BCAS3: variants seen among roughly 807,000 people sequenced by gnomAD.
BCAS3 encodes the protein BCAS4/BCAS3 fusion.
In BCAS3, 53 loss-of-function variants were observed where a neutral mutation model predicts 116.1. The observed-to-expected ratio is 0.46, with a 90% CI of 0.37 to 0.57. The LOEUF (loss-of-function observed/expected upper bound fraction) is 0.57. Among genes scored for constraint, BCAS3 ranks in the 20% least tolerant of loss-of-function variants. The pLI, the probability that BCAS3 is intolerant of heterozygous loss-of-function variation, is 0.00. For missense variants in BCAS3, 917 were observed against 1,165.4 expected (o/e 0.79, Z 3.10); for synonymous variants, 391 against 408.2 (o/e 0.96, Z 0.51).
rs896376563 is a variant in BCAS3, at chr17:61,180,166, T to C, written c.2425+95602T>C. Reference sequence around the variant, plus strand: ...GCCAAACATCATTAAGTCATTAGTGTAAGGGACTTGTTATGAAGGACCGAT... The same window carrying C: ...GCCAAACATCATTAAGTCATTAGTGCAAGGGACTTGTTATGAAGGACCGAT... On this transcript the variant is annotated intron_variant, in intron 22 of 23. Transcript: ENST00000407086. The surrounding 1 kb of genome is among the most constrained non-coding windows in gnomAD (Gnocchi z 6.0). 6.6e-6 allele frequency among the ~76,000 whole-genome samples: 1 copy of C among 152,174 alleles called. No individual in the cohort carries two copies. The highest frequency in any genetic ancestry group is 1.5e-5 in the Non-Finnish European group (1 of 68,032).
intron 22 of BCAS3, among the ~76,000 whole-genome samples, chr17:61,182,362 T>G (rs2079530759): frequency 6.6e-6 from 1 of 152,016 alleles, no homozygotes. Flanking sequence ...TTTGAAAAAT[T>G]TTAAACATAG....
intron 22 of BCAS3, among the ~76,000 whole-genome samples, chr17:61,154,894 T>A (rs2077744058): frequency 6.6e-6 from 1 of 152,038 alleles, no homozygotes; most frequent in Non-Finnish European, 1.5e-5. Context: ...TGTTGAAGTA[T>A]CCTTTTGATC....
At chr17:61,230,142 T>TACACACACACACACAC (rs58423435) in intron 22 of BCAS3, among the ~76,000 whole-genome samples, 1 of 149,942 alleles carries the variant, frequency 6.7e-6, no homozygotes, top group African/African-American at 2.5e-5. Context: ...AGTGTGTGTA[T>TACACACACACACACAC]ACACACACAC....
In BCAS3 at chr17:61,213,505, A is replaced by G. The variant is rs1229105496; in HGVS notation, c.2425+128941A>G. Among the ~76,000 whole-genome samples, 10 of 152,052 alleles carry G rather than the reference A, an allele frequency of 6.6e-5. No homozygotes were observed. The highest frequency in any genetic ancestry group is 1.3e-4 in the Non-Finnish European group (9 of 68,010). ...TTTATATGAAAAAAGTAAGGCATGA[A>G]AAGAGTCTTATTATTTGTTTAGTTG... On this transcript the variant is annotated intron_variant, in intron 22 of 23. Coordinates refer to ENST00000407086, the MANE Select transcript of BCAS3 (RefSeq NM_017679.5). This position sits in a 1 kb window ranked among gnomAD's most constrained non-coding sequence, Gnocchi z 5.4.
At chr17:60,750,620 T>C (rs1477186549) in intron 6 of BCAS3, among the ~76,000 whole-genome samples, 4 of 152,236 alleles carry the variant, frequency 2.6e-5, no homozygotes, top group Non-Finnish European at 5.9e-5. Context: ...GCAGTGCTGC[T>C]GCATAGAAGG....
At position 61,377,350 on chromosome 17, in the gene BCAS3, G is replaced by T. The variant is rs2059385268; in HGVS notation, c.2593+8856G>T. On this transcript the variant is annotated intron_variant, in intron 23 of 23. Transcript: ENST00000407086. This position sits in a 1 kb window ranked among gnomAD's most constrained non-coding sequence, Gnocchi z 4.6. ...GTGGGACAGCCGGTGGCCTCGGCAG[G>T]GGTGGTGTTGTTGGTGTTGCTATTT... Among the ~76,000 whole-genome samples the T allele has an allele frequency of 6.6e-6, 1 of 152,202 alleles. No homozygotes were observed. The highest frequency in any genetic ancestry group is 1.5e-5 in the Non-Finnish European group (1 of 68,042).
rs551020376 is a variant in BCAS3 at position 61,299,367 on chromosome 17, T to C, written c.2426-68960T>C. Among the ~76,000 whole-genome samples, 36 of 134,840 alleles carry C rather than the reference T, an allele frequency of 2.7e-4. 1 individual carries two copies. The highest frequency in any genetic ancestry group is 4.7e-4 in the Non-Finnish European group (31 of 65,964). The allele number at this position is 134,840 out of a possible 152,430, so 88.5% of individuals were successfully genotyped here. ...CTGGGGCAGGAGAATGGCGTGAACC[T>C]GGGAGGCGGAGCTTGCAGTGAGCTG... On this transcript the variant is annotated intron_variant, in intron 22 of 23. Coordinates refer to ENST00000407086, the MANE Select transcript of BCAS3 (RefSeq NM_017679.5).
rs1432004120 is a variant in BCAS3 at position 61,213,136 on chromosome 17, A to T, written c.2425+128572A>T. On this transcript the variant is annotated intron_variant, in intron 22 of 23. Transcript: ENST00000407086. This position sits in a 1 kb window ranked among gnomAD's most constrained non-coding sequence, Gnocchi z 5.4. ...AGGTGTTAGTTTCCTTTCCTTGTTA[A>T]ATTGTTATATATATATTTTTGTTTG... Among the ~76,000 whole-genome samples, 1 of 151,848 alleles carries T rather than the reference A, an allele frequency of 6.6e-6. No homozygotes were observed. Among genetic ancestry groups the T allele is most frequent in the Admixed American group, 6.6e-5 (1 of 15,196 alleles).
chr17:60,938,130 G>A (rs750094279), intron 13 of BCAS3, among the ~76,000 whole-genome samples: 8 of 152,036 alleles, frequency 5.3e-5, no homozygotes, highest in Admixed American at 2.0e-4. Flanking sequence ...TCCTGACCTC[G>A]TGATCCGCCA....
At chr17:61,107,046 C>T (rs1016791175) in intron 22 of BCAS3, among the ~76,000 whole-genome samples, 4 of 150,376 alleles carry the variant, frequency 2.7e-5, no homozygotes, top group Non-Finnish European at 5.9e-5. Context: ...TTCCTCATTT[C>T]CTTCCTTTAG....
At chr17:60,764,476 G>C (rs2043879075) in intron 6 of BCAS3, among the ~76,000 whole-genome samples, 1 of 152,150 alleles carries the variant, frequency 6.6e-6, no homozygotes, top group South Asian at 2.1e-4. Context: ...TCAGGAGCAG[G>C]TTGTTCAGTT....
intron 23 of BCAS3, among the ~76,000 whole-genome samples, chr17:61,382,065 C>T (rs539932008): frequency 2.0e-5 from 3 of 151,822 alleles, no homozygotes; most frequent in Admixed American, 1.3e-4. Context: ...CGGTGGCTCA[C>T]GCTTATAATC....
At chr17:60,914,401 TTC>T (rs2058671183) in intron 12 of BCAS3, among the ~76,000 whole-genome samples, 1 of 152,232 alleles carries the variant, frequency 6.6e-6, no homozygotes, top group South Asian at 2.1e-4. Flanking sequence ...GCTGGATGGC[TTC>T]TGTCTTTATT....
At chr17:61,169,964 T>G (rs2078740396) in intron 22 of BCAS3, among the ~76,000 whole-genome samples, 1 of 150,952 alleles carries the variant, frequency 6.6e-6, no homozygotes. Flanking sequence ...AAGCAATTCT[T>G]GTGCCTCAGC....
chr17:60,770,509 C>A (rs1164400871), intron 6 of BCAS3, among the ~76,000 whole-genome samples: 4 of 145,816 alleles, frequency 2.7e-5, no homozygotes, highest in African/African-American at 1.0e-4. Context: ...ACCTCCGACT[C>A]CCTGGTTGAA....
At chr17:60,821,195 C>T (rs900459081) in intron 7 of BCAS3, among the ~76,000 whole-genome samples, 7 of 152,260 alleles carry the variant, frequency 4.6e-5, no homozygotes, top group Middle Eastern at 6.8e-3. Flanking sequence ...GATCCACCTG[C>T]CTCAGCCTTC....
intron 22 of BCAS3, among the ~76,000 whole-genome samples, chr17:61,321,571 C>A (rs1175182071): frequency 1.3e-5 from 2 of 152,210 alleles, no homozygotes; most frequent in African/African-American, 4.8e-5. Flanking sequence ...ATCTGGATGC[C>A]CCTGCAGGCC....
chr17:61,076,840 A>G (rs570550114), intron 20 of BCAS3, among the ~76,000 whole-genome samples: 1 of 152,270 alleles, frequency 6.6e-6, no homozygotes, highest in South Asian at 2.1e-4. Context: ...ACTGTCCTCA[A>G]TCTGAGCATT....
At chr17:61,185,667 ATCCTT>A (rs1351936427) in intron 22 of BCAS3, among the ~76,000 whole-genome samples, 1 of 152,164 alleles carries the variant, frequency 6.6e-6, no homozygotes, top group Non-Finnish European at 1.5e-5. Context: ...AGAAAAAAAA[ATCCTT>A]TCACAAATCA....
Sources: gnomAD v4.1 joint callset for allele counts (sites outside exome capture counted in the v4.1 genomes callset) on GRCh38, gnomAD v4.1.1 for gene constraint, Gnocchi (gnomAD v3.1) non-coding constraint, MANE v1.5 for transcripts, NCBI Gene and HGNC (gene_info 2026-07-23, HGNC 2026-07-21) for gene names.